Variants in SMC1B observed in about 807,000 individuals in gnomAD.
SMC1B encodes structural maintenance of chromosomes 1B.
A neutral mutation model predicts 157.9 loss-of-function variants in SMC1B; 60 were observed. That is an observed-to-expected ratio of 0.38 (90% confidence interval 0.31 to 0.47). The LOEUF (loss-of-function observed/expected upper bound fraction) is 0.47. SMC1B is among the 20% of genes least tolerant of loss of function. The pLI is 0.99. For synonymous variants in SMC1B, 445 were observed against 483.0 expected (o/e 0.92, Z 1.03); for missense variants, 1,165 against 1,426.2 (o/e 0.82, Z 2.95).
intron 5 of SMC1B, among the ~76,000 whole-genome samples, chr22:45,399,557 C>T (rs1029679489): frequency 1.3e-5 from 2 of 152,130 alleles, no homozygotes; most frequent in African/African-American, 4.8e-5. Flanking sequence ...GAGAGTGGTA[C>T]TGTAGTGGTA....
Position 45,346,061 on chromosome 22 carries a change from C to T in SMC1B, c.3496-492G>A, listed in dbSNP as rs2086548661. Among the ~76,000 whole-genome samples, 3 of 151,854 alleles carry T rather than the reference C, an allele frequency of 2.0e-5. No individual in the cohort carries two copies. In the South Asian group the frequency reaches 6.2e-4, roughly 32 times the overall value. On this transcript the variant is annotated intron_variant, in intron 23 of 24. Coordinates refer to ENST00000357450, the MANE Select transcript of SMC1B (RefSeq NM_148674.5). ...CTACTAAAATTACAAAAAAATTAGG[C>T]AGGCATGGTGGCAGGTGCCTATAAT...
chr22:45,386,462 GT>G (rs1385243778), intron 11 of SMC1B, among the ~76,000 whole-genome samples: 1 of 151,984 alleles, frequency 6.6e-6, no homozygotes, highest in East Asian at 1.9e-4. Context: ...AGGACAGTTA[GT>G]ATCTCCACTA....
chr22:45,346,973 T>A (rs2086558666), intron 23 of SMC1B, among the ~76,000 whole-genome samples: 1 of 152,234 alleles, frequency 6.6e-6, no homozygotes, highest in Admixed American at 6.5e-5. Flanking sequence ...ACCTAGTACC[T>A]GGAGATGCCA....
At chr22:45,371,637 A>G (rs932578654) in intron 13 of SMC1B, 50 bp from the exon 14 acceptor site, 2 of 1,540,956 alleles carry the variant, frequency 1.3e-6, no homozygotes, top group Admixed American at 2.2e-5. Flanking sequence ...TTAGCTTTAT[A>G]TAGTGAAGCC....
intron 17 of SMC1B, 121 bp from the exon 18 acceptor site, chr22:45,360,079 A>T: frequency 2.8e-6 from 2 of 715,692 alleles, no homozygotes; most frequent in South Asian, 4.0e-5. Flanking sequence ...GAGTGCTGTA[A>T]GTTCTAGAAT....
chr22:45,394,872 G>A (rs1007683927), intron 7 of SMC1B, 105 bp from the exon 8 acceptor site: 133 of 1,160,174 alleles, frequency 1.1e-4, no homozygotes, highest in Middle Eastern at 6.7e-4. Context: ...AAAATTGAAA[G>A]ATATCAAATA....
intron 5 of SMC1B, among the ~76,000 whole-genome samples, 189 bp downstream of exon 5, chr22:45,402,144 A>G (rs1048203700): frequency 3.9e-5 from 6 of 152,118 alleles, no homozygotes; most frequent in African/African-American, 1.2e-4. Context: ...CAGCCTCCCA[A>G]AGTGCTGGGA....
At chr22:45,410,341 T>C (rs182626826) in intron 1 of SMC1B, among the ~76,000 whole-genome samples, 123 of 152,298 alleles carry the variant, frequency 8.1e-4, no homozygotes, top group African/African-American at 2.8e-3. Flanking sequence ...AGGTGCAATG[T>C]CAATGCAGCT....
chr22:45,393,626 C>G lies in SMC1B; in HGVS notation c.1545+8G>C, dbSNP rs566860301. 8 of 1,593,096 alleles carry G rather than the reference C, an allele frequency of 5.0e-6. No homozygotes were observed. In the Admixed American group the frequency reaches 1.5e-4, roughly 29 times the overall value. On this transcript the variant is annotated splice_region_variant and intron_variant, in intron 9 of 24. Coordinates refer to ENST00000357450, the MANE Select transcript of SMC1B (RefSeq NM_148674.5). ...TTTTTGTTTAAATTAACTATTCATT[C>G]TCATTACCACAGAATCTGGGTACAG...
chr22:45,347,640 GACAAGGTCT>G (rs1361569332), intron 23 of SMC1B, among the ~76,000 whole-genome samples: 2 of 152,058 alleles, frequency 1.3e-5, no homozygotes, highest in Non-Finnish European at 2.9e-5. Context: ...TTATAATAGA[GACAAGGTCT>G]CACTATGTTG....
intron 2 of SMC1B, among the ~76,000 whole-genome samples, 191 bp downstream of exon 2, chr22:45,408,519 A>G (rs1329637684): frequency 1.3e-5 from 2 of 152,206 alleles, no homozygotes; most frequent in Non-Finnish European, 1.5e-5. Flanking sequence ...AAAAGCAGAC[A>G]TAATTGGAGA....
chr22:45,396,594 G>C, intron 6 of SMC1B, 108 bp from the exon 7 acceptor site: 4 of 882,922 alleles, frequency 4.5e-6, no homozygotes, highest in Non-Finnish European at 6.3e-6. Flanking sequence ...CCAAAAGCTT[G>C]CTTTATATAA....
intron 15 of SMC1B, among the ~76,000 whole-genome samples, chr22:45,366,555 C>G (rs2086777647): frequency 6.6e-6 from 1 of 152,134 alleles, no homozygotes; most frequent in Non-Finnish European, 1.5e-5. Flanking sequence ...ATCAAAAAGA[C>G]AGTGATCCCA....
chr22:45,391,673 T>C (rs1410758207), intron 9 of SMC1B, among the ~76,000 whole-genome samples: 1 of 152,194 alleles, frequency 6.6e-6, no homozygotes, highest in Non-Finnish European at 1.5e-5. Context: ...GTATTTCCTA[T>C]TCTGTTTACT....
At chr22:45,413,295 T>TGGGCCA (rs1325506044) in intron 1 of SMC1B, among the ~76,000 whole-genome samples, 164 bp downstream of exon 1, 1 of 151,506 alleles carries the variant, frequency 6.6e-6, no homozygotes, top group African/African-American at 2.4e-5. Context: ...GGGCAGGGGC[T>TGGGCCA]GGGCCAGGGC....
chr22:45,402,424 ACT>A lies in SMC1B; in HGVS notation c.761_762del (p.Glu254ValfsTer6). 3 of 1,613,764 alleles carry A rather than the reference ACT, an allele frequency of 1.9e-6. No individual in the cohort carries two copies. Among genetic ancestry groups the A allele is most frequent in the Non-Finnish European group, 1.7e-6 (2 of 1,179,896 alleles). On this transcript the variant is annotated frameshift_variant, in exon 5 of 25. Transcript: ENST00000357450. LOFTEE classifies it high-confidence loss of function. ...HVNRDLSVKR[E>X]SLSHHENIVK... ...ACTATGTTTTCATGATGAGACAAAG[ACT>A]CTCTTTTGACACTCAAATCCCTATT...
At position 45,361,864 on chromosome 22, in the gene SMC1B, G is replaced by A. The variant is rs199797179; in HGVS notation, c.2683C>T (p.Arg895Trp). 9.7e-5 allele frequency: 156 copies of A among 1,613,904 alleles called. 1 individual carries two copies. In the African/African-American group the frequency reaches 1.0e-3, roughly 11 times the overall value. ...CTATCAACAGCCAGAAACTTCTTCC[G>A]TTCCTCTTCAATTTGAGTTTGAACT... Reference protein sequence around the residue: ...EKVQTQIEEERKKFLAVDREV... With the variant: ...EKVQTQIEEEWKKFLAVDREV... The change falls in exon 17 of 25, where the codon CGG becomes TGG. Residue 895 changes from arginine to tryptophan, a missense_variant. Physicochemically the swap from Arg to Trp is moderately radical, Grantham distance 101. Coordinates refer to ENST00000357450, the MANE Select transcript of SMC1B (RefSeq NM_148674.5).
At chr22:45,354,737 C>T (rs2086653611) in intron 20 of SMC1B, among the ~76,000 whole-genome samples, 1 of 151,950 alleles carries the variant, frequency 6.6e-6, no homozygotes, top group African/African-American at 2.4e-5. Flanking sequence ...TAAAAAAATA[C>T]ATGTGTTTTA....
intron 5 of SMC1B, 53 bp downstream of exon 5, chr22:45,402,280 C>T (rs2087204673): frequency 8.7e-7 from 1 of 1,155,502 alleles, no homozygotes; most frequent in Non-Finnish European, 1.3e-6. Flanking sequence ...ATATTATTCC[C>T]TCTATCAAGC....
Sources: gnomAD v4.1 joint callset for allele counts (sites outside exome capture counted in the v4.1 genomes callset) on GRCh38, gnomAD v4.1.1 for gene constraint, MANE v1.5 for transcripts, NCBI Gene and HGNC (gene_info 2026-07-23, HGNC 2026-07-21) for gene names.